SATL1: variants seen among roughly 807,000 people sequenced by gnomAD.
SATL1 encodes spermidine/spermine N(1)-acetyltransferase-like protein 1.
In SATL1, 47 loss-of-function variants were observed where a neutral mutation model predicts 51.8. That is an observed-to-expected ratio of 0.91 (90% confidence interval 0.72 to 1.16). The LOEUF (loss-of-function observed/expected upper bound fraction) is 1.16, where lower values mean the gene tolerates loss of function less well. Ranked by LOEUF, SATL1 falls within the 50% of genes most tolerant of loss-of-function variation. The pLI is 0.00. For missense variants in SATL1, 520 were observed against 526.4 expected (o/e 0.99, Z 0.12); for synonymous variants, 176 against 182.4 (o/e 0.97, Z 0.28).
chrX:85,166,941 A>ATGTGTGTG (rs60077558), intron 2 of SATL1, among the ~76,000 whole-genome samples: 4 of 77,590 alleles, frequency 5.2e-5, no homozygotes, highest in Admixed American at 1.4e-4. Context: ...ATATATGTGT[A>ATGTGTGTG]TGTGTGTGTG....
At chrX:85,149,352 A>G (rs1242468207) in intron 2 of SATL1, among the ~76,000 whole-genome samples, 1 of 111,521 alleles carries the variant, frequency 9.0e-6, no homozygotes, top group African/African-American at 3.3e-5. Flanking sequence ...TTAGACTCCC[A>G]TACAATAATA....
At chrX:85,134,984 C>A (rs1925913873) in intron 2 of SATL1, among the ~76,000 whole-genome samples, 1 of 112,031 alleles carries the variant, frequency 8.9e-6, no homozygotes, top group Admixed American at 9.5e-5. Flanking sequence ...CCATGGAATA[C>A]TATGCAGCCA....
chrX:85,197,470 CTTTATTTA>C (rs767059111), intron 2 of SATL1, among the ~76,000 whole-genome samples: 2 of 108,053 alleles, frequency 1.9e-5, no homozygotes, highest in Non-Finnish European at 3.8e-5. Context: ...AATACTAGAT[CTTTATTTA>C]TTTATTTATT....
At chrX:85,206,927 T>G (rs1022572321) in intron 2 of SATL1, among the ~76,000 whole-genome samples, 1 of 111,093 alleles carries the variant, frequency 9.0e-6, no homozygotes, top group Non-Finnish European at 1.9e-5. Flanking sequence ...CACAGCAGAG[T>G]GTATTAATAC....
intron 2 of SATL1, among the ~76,000 whole-genome samples, chrX:85,206,381 A>C (rs73511685): frequency 0.043 from 4,759 of 111,557 alleles, 277 homozygotes; most frequent in African/African-American, 0.15. Flanking sequence ...GGTAAATCAG[A>C]AATAGCAATA....
At chrX:85,118,086 G>GTTTTTTTTTTTTTTTTTTTTTT (rs780585183) in intron 2 of SATL1, among the ~76,000 whole-genome samples, 8 of 38,817 alleles carry the variant, frequency 2.1e-4, no homozygotes, top group Non-Finnish European at 5.8e-4. Flanking sequence ...AAAGAACTTA[G>GTTTTTTTTTTTTTTTTTTTTTT]CTTTTTTTTT....
chrX:85,155,239 A>T (rs1024510603), intron 2 of SATL1, among the ~76,000 whole-genome samples: 1 of 111,348 alleles, frequency 9.0e-6, no homozygotes, highest in Non-Finnish European at 1.9e-5. Context: ...ACCCCCTGAG[A>T]TGTTAAAGAA....
At chrX:85,199,106 T>C (rs747451616) in intron 2 of SATL1, among the ~76,000 whole-genome samples, 1 of 110,605 alleles carries the variant, frequency 9.0e-6, no homozygotes. Context: ...CCCAAAGTGC[T>C]AGGATTACAG....
intron 2 of SATL1, among the ~76,000 whole-genome samples, chrX:85,157,755 T>C (rs939540585): frequency 3.6e-5 from 4 of 111,682 alleles, no homozygotes; most frequent in African/African-American, 1.3e-4. Flanking sequence ...TGTCTCAAAT[T>C]TCCTATGGCT....
At chrX:85,125,890 C>T (rs1812544321) in intron 2 of SATL1, among the ~76,000 whole-genome samples, 1 of 110,367 alleles carries the variant, frequency 9.1e-6, no homozygotes, top group African/African-American at 3.3e-5. Flanking sequence ...TAGTCAATCT[C>T]AGGGTAAAGA....
chrX:85,132,205 G>A (rs985242790), intron 2 of SATL1, among the ~76,000 whole-genome samples: 7 of 111,729 alleles, frequency 6.3e-5, no homozygotes, highest in Non-Finnish European at 1.3e-4. Flanking sequence ...TGCCTTGCTA[G>A]GTTGGGGAAG....
At chrX:85,132,595 C>T (rs1045393044) in intron 2 of SATL1, among the ~76,000 whole-genome samples, 12 of 111,661 alleles carry the variant, frequency 1.1e-4, no homozygotes, top group African/African-American at 3.9e-4. Flanking sequence ...TGGTTTCAAA[C>T]GTCCTCCTTT....
At chrX:85,113,756 G>A (rs762411074) in intron 2 of SATL1, among the ~76,000 whole-genome samples, 3 of 111,982 alleles carry the variant, frequency 2.7e-5, no homozygotes, top group African/African-American at 9.7e-5. Context: ...TTTAAAATTG[G>A]CTTTGATGGA....
At chrX:85,092,721 GA>G in intron 7 of SATL1, 160 bp from the exon 8 acceptor site, 1 of 478,485 alleles carries the variant, frequency 2.1e-6, no homozygotes, top group Non-Finnish European at 3.3e-6. Context: ...GCTGTAAAAA[GA>G]AAAAAGTCTC....
Position 85,200,898 on chromosome X carries a change from C to G in SATL1, c.-313+23307G>C, listed in dbSNP as rs372581384. On this transcript the variant is annotated intron_variant, in intron 2 of 7. Transcript: ENST00000644105. ...AATGTTACATAAAATCAGTGCTGTC[C>G]CTATAAAAACTTAAAACATATGGTC... Among the ~76,000 whole-genome samples the G allele has an allele frequency of 5.5e-5, 6 of 109,540 alleles. No homozygotes were observed. The East Asian group carries it at 1.7e-3, about 31-fold the overall frequency.
chrX:85,167,862 A>G (rs1263631002), intron 2 of SATL1, among the ~76,000 whole-genome samples: 1 of 111,056 alleles, frequency 9.0e-6, no homozygotes, highest in Non-Finnish European at 1.9e-5. Flanking sequence ...CTTGAACATC[A>G]ATGGAAAAAT....
intron 2 of SATL1, among the ~76,000 whole-genome samples, chrX:85,126,260 G>C (rs1005765839): frequency 9.0e-6 from 1 of 111,312 alleles, no homozygotes; most frequent in Admixed American, 9.6e-5. Context: ...GGTCTCCCTA[G>C]CTTCAGCCTT....
chrX:85,107,483 G>T lies in SATL1; in HGVS notation c.1486C>A (p.Leu496Met). 8.3e-7 allele frequency: 1 copy of T among 1,211,046 alleles called. No homozygotes were observed. The highest frequency in any genetic ancestry group is 1.1e-6 in the Non-Finnish European group (1 of 895,246). ...PSQPGLSQQDLNQLVLSQPGL... is the reference protein window; with the variant it reads ...PSQPGLSQQDMNQLVLSQPGL... ...GGTTGGCTCAGCACTAATTGGTTCA[G>T]GTCTTGTTGGCTCAGGCCTGGCTGA... is the stretch of plus-strand genomic sequence containing the variant. The change falls in exon 3 of 8, where the codon CTG (leucine) becomes ATG (methionine). Residue 496 changes from leucine (L) to methionine (M), a missense_variant. Leu to Met is a conservative substitution (Grantham distance 15, BLOSUM62 2). This residue lies in a region of SATL1 where 488 missense variants were observed against 474.3 expected (regional missense o/e 1.03). Coordinates refer to ENST00000644105, the MANE Select transcript of SATL1 (RefSeq NM_001367857.2).
intron 2 of SATL1, among the ~76,000 whole-genome samples, chrX:85,153,029 T>C (rs931448939): frequency 2.7e-5 from 3 of 110,569 alleles, no homozygotes; most frequent in Non-Finnish European, 3.8e-5. Context: ...TTCTATGTGA[T>C]GTATGCCATC....
Sources: gnomAD v4.1 joint callset for allele counts (sites outside exome capture counted in the v4.1 genomes callset) on GRCh38, gnomAD v4.1.1 for gene constraint, gnomAD v4.1.1 regional missense constraint, MANE v1.5 for transcripts, NCBI Gene and HGNC (gene_info 2026-07-23, HGNC 2026-07-21) for gene names.